Variants in PTN observed in about 807,000 individuals in gnomAD.
PTN encodes the protein heparin affin regulatory protein.
A neutral mutation model predicts 24.1 loss-of-function variants in PTN; 18 were observed. The ratio of observed to expected loss-of-function variants is 0.75; its 90% confidence interval spans 0.52 to 1.11. The LOEUF is 1.11. PTN is among the 50% of genes least tolerant of loss of function. PTN has a pLI of 0.00. For missense variants in PTN, 163 were observed against 198.8 expected (o/e 0.82, Z 1.08); for synonymous variants, 78 against 68.6 (o/e 1.14, Z -0.67).
intron 1 of PTN, among the ~76,000 whole-genome samples, chr7:137,288,126 T>G (rs1809586117): frequency 6.6e-6 from 1 of 152,148 alleles, no homozygotes; most frequent in Non-Finnish European, 1.5e-5. Flanking sequence ...GAGAATTGAT[T>G]AGGATTCAGC....
intron 1 of PTN, among the ~76,000 whole-genome samples, chr7:137,262,458 T>C (rs529368131): frequency 6.6e-6 from 1 of 152,268 alleles, no homozygotes; most frequent in Admixed American, 6.5e-5. Flanking sequence ...CTCTTTTACA[T>C]TTTATATTGT....
intron 2 of PTN, 128 bp downstream of exon 2, chr7:137,254,731 G>T: frequency 1.9e-6 from 1 of 522,998 alleles, no homozygotes; most frequent in Non-Finnish European, 3.1e-6. Context: ...TTTGAAAAGG[G>T]AAGATTGAAG....
At chr7:137,324,433 A>AAAAAAAAAAAAAAAAAAAATATAT in intron 1 of PTN, among the ~76,000 whole-genome samples, 8 of 88,762 alleles carry the variant, frequency 9.0e-5, no homozygotes, top group African/African-American at 5.5e-4. Context: ...AAAAAAAAAA[A>AAAAAAAAAAAAAAAAAAAATATAT]ATATATATAT....
At chr7:137,282,222 T>A (rs560632645) in intron 1 of PTN, among the ~76,000 whole-genome samples, 2 of 152,366 alleles carry the variant, frequency 1.3e-5, no homozygotes, top group South Asian at 4.1e-4. Flanking sequence ...AAGAGAGCTA[T>A]CACTTTTGTT....
At chr7:137,267,673 C>T (rs1809180849) in intron 1 of PTN, among the ~76,000 whole-genome samples, 1 of 152,016 alleles carries the variant, frequency 6.6e-6, no homozygotes, top group Non-Finnish European at 1.5e-5. Context: ...GTACCTGACC[C>T]GTGTCTCCTC....
chr7:137,273,226 A>G (rs749652108), intron 1 of PTN, among the ~76,000 whole-genome samples: 13 of 152,238 alleles, frequency 8.5e-5, no homozygotes, highest in Non-Finnish European at 4.4e-5. Flanking sequence ...AAGAATAAAA[A>G]TGGCCTTGGT....
At chr7:137,253,767 A>G (rs1394951867) in intron 2 of PTN, 130 bp from the exon 3 acceptor site, 1 of 765,566 alleles carries the variant, frequency 1.3e-6, no homozygotes, top group African/African-American at 1.8e-5. Flanking sequence ...TTGTCTAATG[A>G]ATAGTAGAAA....
rs188094623 is a variant in PTN, at chr7:137,262,760, C to T, written c.-1-7786G>A. Among the ~76,000 whole-genome samples, 477 of 152,246 alleles carry T rather than the reference C, an allele frequency of 3.1e-3. 2 individuals carry two copies. The highest frequency in any genetic ancestry group is 0.011 in the African/African-American group (450 of 41,558). On this transcript the variant is annotated intron_variant, in intron 1 of 4. Coordinates refer to ENST00000348225, the MANE Select transcript of PTN (RefSeq NM_002825.7). ...ATGGACAGAGTGAAACAGAATAGAA[C>T]GGGAGGTTTCACAAGGTCCTTCCAT...
At chr7:137,269,258 CTCTTT>C (rs1359763440) in intron 1 of PTN, among the ~76,000 whole-genome samples, 1 of 152,096 alleles carries the variant, frequency 6.6e-6, no homozygotes, top group Non-Finnish European at 1.5e-5. Flanking sequence ...CTTTCTCTTT[CTCTTT>C]TGTTTCTATT....
In PTN at chr7:137,254,898, C is replaced by A. The variant is rs758912047; in HGVS notation, c.76G>T (p.Ala26Ser). Reference protein sequence around the residue: ...AFLAFIFILAAVDTAEAGKKE... With the variant: ...AFLAFIFILASVDTAEAGKKE... ...TTCCCTGCTTCAGCAGTATCCACAG[C>A]TGCCAGTATGAAAATGAATGCCAAG... Residue 26 changes from alanine (A) to serine (S), a missense_variant, in exon 2 of 5, where the codon GCT becomes TCT. Physicochemically the swap from Ala to Ser is moderately conservative, Grantham distance 99 (BLOSUM62 1). Transcript: ENST00000348225. 3 of 1,585,310 alleles carry A rather than the reference C, an allele frequency of 1.9e-6. No individual in the cohort carries two copies. Among genetic ancestry groups the A allele is most frequent in the Non-Finnish European group, 1.7e-6 (2 of 1,158,532 alleles).
intron 1 of PTN, among the ~76,000 whole-genome samples, chr7:137,282,889 T>C (rs762332910): frequency 2.6e-5 from 4 of 152,194 alleles, no homozygotes; most frequent in Non-Finnish European, 5.9e-5. Context: ...TGGAGACATA[T>C]GTATCTCCCA....
chr7:137,281,542 T>C (rs1809474983), intron 1 of PTN, among the ~76,000 whole-genome samples: 1 of 152,218 alleles, frequency 6.6e-6, no homozygotes, highest in Non-Finnish European at 1.5e-5. Context: ...CAAGCCTTAC[T>C]CCAGCACTTT....
intron 1 of PTN, among the ~76,000 whole-genome samples, chr7:137,337,293 G>C (rs551163442): frequency 2.6e-4 from 39 of 152,276 alleles, no homozygotes; most frequent in African/African-American, 9.4e-4. Flanking sequence ...GCCTAAGAAA[G>C]AGATGGCATT....
intron 1 of PTN, among the ~76,000 whole-genome samples, chr7:137,321,224 G>T (rs1347991976): frequency 6.6e-6 from 1 of 152,176 alleles, no homozygotes; most frequent in East Asian, 1.9e-4. Flanking sequence ...TGAACTCTGA[G>T]GTTAATACCA....
At chr7:137,250,213 G>C (rs1219511192) in intron 4 of PTN, among the ~76,000 whole-genome samples, 1 of 152,156 alleles carries the variant, frequency 6.6e-6, no homozygotes, top group Non-Finnish European at 1.5e-5. Flanking sequence ...GTACCACAGA[G>C]TTGGTGGCTT....
At chr7:137,259,883 A>C (rs2128872380) in intron 1 of PTN, among the ~76,000 whole-genome samples, 1 of 152,176 alleles carries the variant, frequency 6.6e-6, no homozygotes, top group East Asian at 1.9e-4. Context: ...GAAATATGTA[A>C]ATGTAATTTA....
intron 4 of PTN, among the ~76,000 whole-genome samples, chr7:137,242,163 T>G (rs534043210): frequency 2.6e-4 from 40 of 152,312 alleles, no homozygotes; most frequent in African/African-American, 9.1e-4. Context: ...TTTTCCCATT[T>G]AATAATCAGC....
Position 137,340,922 on chromosome 7 carries a change from G to A in PTN, c.-2+2517C>T, listed in dbSNP as rs545832595. Among the ~76,000 whole-genome samples the A allele has an allele frequency of 6.6e-5, 10 of 152,234 alleles. No individual in the cohort carries two copies. The South Asian group carries it at 1.0e-3, about 16-fold the overall frequency. On this transcript the variant is annotated intron_variant, in intron 1 of 4. Coordinates refer to ENST00000348225, the MANE Select transcript of PTN (RefSeq NM_002825.7). Reference sequence around the variant, plus strand: ...GAACAACTCCCCATATCATTATGCCGCCATATTAAAAAGCATAATTCTTTA... The same window carrying A: ...GAACAACTCCCCATATCATTATGCCACCATATTAAAAAGCATAATTCTTTA...
intron 1 of PTN, among the ~76,000 whole-genome samples, chr7:137,303,648 A>C (rs1378133069): frequency 6.6e-6 from 1 of 152,030 alleles, no homozygotes; most frequent in Admixed American, 6.6e-5. Context: ...CAGTAGGAAA[A>C]TCATAATTTG....
Sources: allele counts gnomAD v4.1 joint callset (sites outside exome capture counted in the v4.1 genomes callset), GRCh38; gene constraint gnomAD v4.1.1; transcripts MANE v1.5; gene names NCBI Gene and HGNC (gene_info 2026-07-23, HGNC 2026-07-21).